The following CYP39A1 variants were observed in gnomAD, a reference collection of about 807,000 sequenced individuals.
The protein encoded by CYP39A1 is cytochrome P450 family 39 subfamily A member 1.
CYP39A1 carries 49 observed loss-of-function variants against 58.1 expected under a neutral mutation model. The observed-to-expected ratio is 0.84, with a 90% CI of 0.67 to 1.07. The LOEUF (loss-of-function observed/expected upper bound fraction) is 1.07. Ranked by LOEUF, CYP39A1 falls within the 50% of genes least tolerant of loss-of-function variation. The probability of loss-of-function intolerance (pLI) is 0.00; values close to 1 mark genes in which losing one functional copy is unlikely to be tolerated. For missense variants in CYP39A1, 531 were observed against 539.4 expected (o/e 0.98, Z 0.16); for synonymous variants, 209 against 187.6 (o/e 1.11, Z -0.93).
chr6:46,556,432 T>TAGG (rs1407551686), intron 10 of CYP39A1, among the ~76,000 whole-genome samples: 9 of 152,154 alleles, frequency 5.9e-5, no homozygotes, highest in Non-Finnish European at 7.4e-5. Flanking sequence ...GGGATCTAGA[T>TAGG]AGGAGTCTAC....
chr6:46,623,190 G>A (rs1227616740), intron 7 of CYP39A1, among the ~76,000 whole-genome samples: 5 of 152,156 alleles, frequency 3.3e-5, no homozygotes, highest in Non-Finnish European at 5.9e-5. Flanking sequence ...ACTGGATCGG[G>A]GGTGCCCAGA....
At chr6:46,627,423 T>TTTA (rs1491560816) in intron 6 of CYP39A1, among the ~76,000 whole-genome samples, 25 of 2,862 alleles carry the variant, frequency 8.7e-3, no homozygotes, top group African/African-American at 0.044. Flanking sequence ...TATTTATTTA[T>TTTA]TTTTTTTTTT....
chr6:46,647,692 C>T (rs1169311468), intron 1 of CYP39A1, among the ~76,000 whole-genome samples: 3 of 152,170 alleles, frequency 2.0e-5, no homozygotes, highest in South Asian at 2.1e-4. Context: ...CAGCCTAGTA[C>T]ACTTTGGGAC....
chr6:46,643,109 T>G (rs2150600861), intron 1 of CYP39A1, among the ~76,000 whole-genome samples: 1 of 152,290 alleles, frequency 6.6e-6, no homozygotes, highest in South Asian at 2.1e-4. Context: ...CCTTTGAACA[T>G]ACTGTAGCAC....
At chr6:46,622,007 T>A (rs1407008482) in intron 7 of CYP39A1, among the ~76,000 whole-genome samples, 1 of 152,104 alleles carries the variant, frequency 6.6e-6, no homozygotes, top group African/African-American at 2.4e-5. Flanking sequence ...CTTCAAGACC[T>A]GAAAATCAAT....
chr6:46,624,575 T>C (rs1775187820), intron 7 of CYP39A1, among the ~76,000 whole-genome samples: 1 of 152,148 alleles, frequency 6.6e-6, no homozygotes, highest in South Asian at 2.1e-4. Flanking sequence ...AAAAAAAAAC[T>C]TTAAATAAAA....
chr6:46,604,560 C>A (rs7771492), intron 7 of CYP39A1, among the ~76,000 whole-genome samples: 10,829 of 152,188 alleles, frequency 0.071, 885 homozygotes, highest in African/African-American at 0.2. Context: ...TGATGATCTA[C>A]GAATCAGAAT....
At chr6:46,650,597 G>A (rs763875309) in intron 1 of CYP39A1, among the ~76,000 whole-genome samples, 15 of 138,606 alleles carry the variant, frequency 1.1e-4, no homozygotes, top group Non-Finnish European at 2.0e-4. Context: ...TGGAACTCCT[G>A]AGCTCAAGCA....
At chr6:46,564,727 C>T (rs77720084) in intron 10 of CYP39A1, among the ~76,000 whole-genome samples, 3,623 of 152,002 alleles carry the variant, frequency 0.024, 125 homozygotes, top group African/African-American at 0.082. Context: ...CTTTTTTCCT[C>T]CTAGAAGTCA....
intron 1 of CYP39A1, among the ~76,000 whole-genome samples, chr6:46,643,327 T>C (rs1776462877): frequency 6.6e-6 from 1 of 152,224 alleles, no homozygotes; most frequent in Non-Finnish European, 1.5e-5. Flanking sequence ...TTTATGCTCA[T>C]CACTACTTCA....
chr6:46,636,389 C>T lies in CYP39A1; in HGVS notation c.732G>A (p.Met244Ile), dbSNP rs771019848. The change falls in exon 5 of 12, where the codon ATG (methionine) becomes ATA (isoleucine). Residue 244 changes from methionine to isoleucine, a missense_variant and splice_region_variant. Coordinates refer to ENST00000275016, the MANE Select transcript of CYP39A1 (RefSeq NM_016593.5). ...CAAAAGAAAGGTAAGAAATACTTACCATGGAATTATCTTTTGCAGATTTAC... is the reference window on the plus strand; with the variant it reads ...CAAAAGAAAGGTAAGAAATACTTACTATGGAATTATCTTTTGCAGATTTAC... ...KACKSAKDNS[M>I]TLLQATLDIV... 1.3e-5 allele frequency: 20 copies of T among 1,569,338 alleles called. No individual in the cohort carries two copies. The South Asian group carries it at 1.8e-4, about 14-fold the overall frequency.
At chr6:46,626,148 A>G (rs1449001491) in intron 6 of CYP39A1, among the ~76,000 whole-genome samples, 3 of 152,112 alleles carry the variant, frequency 2.0e-5, no homozygotes, top group Non-Finnish European at 4.4e-5. Context: ...GTATATTTGC[A>G]CATTTTCTCT....
At chr6:46,565,398 T>C (rs1455810016) in intron 10 of CYP39A1, among the ~76,000 whole-genome samples, 1 of 151,736 alleles carries the variant, frequency 6.6e-6, no homozygotes, top group Non-Finnish European at 1.5e-5. Flanking sequence ...AAGGTAGATG[T>C]TTTATATTAA....
chr6:46,638,875 A>T (rs1776155507), intron 3 of CYP39A1, among the ~76,000 whole-genome samples: 1 of 152,134 alleles, frequency 6.6e-6, no homozygotes, highest in Non-Finnish European at 1.5e-5. Flanking sequence ...AAATTTTCTC[A>T]TGTCTCCCAT....
At chr6:46,563,449 T>A (rs1213469541) in intron 10 of CYP39A1, among the ~76,000 whole-genome samples, 1 of 152,120 alleles carries the variant, frequency 6.6e-6, no homozygotes, top group Non-Finnish European at 1.5e-5. Flanking sequence ...ATGTTGAAAA[T>A]TTTTTAAATA....
intron 7 of CYP39A1, among the ~76,000 whole-genome samples, chr6:46,598,708 T>A (rs958183577): frequency 6.6e-6 from 1 of 152,052 alleles, no homozygotes; most frequent in African/African-American, 2.4e-5. Context: ...GCTAAGGAAA[T>A]ATAAGAAATT....
intron 10 of CYP39A1, among the ~76,000 whole-genome samples, chr6:46,584,667 A>C (rs1172400700): frequency 6.6e-6 from 1 of 152,150 alleles, no homozygotes; most frequent in Non-Finnish European, 1.5e-5. Flanking sequence ...GGGCCAGTGT[A>C]CATTTTCAGC....
chr6:46,558,723 C>T (rs907615004), intron 10 of CYP39A1, among the ~76,000 whole-genome samples: 4 of 152,110 alleles, frequency 2.6e-5, no homozygotes, highest in Non-Finnish European at 5.9e-5. Flanking sequence ...GTCGGCCGGG[C>T]ACGGTGGCTC....
At chr6:46,650,383 CT>C (rs34431587) in intron 1 of CYP39A1, among the ~76,000 whole-genome samples, 3 of 145,934 alleles carry the variant, frequency 2.1e-5, no homozygotes, top group Admixed American at 6.9e-5. Flanking sequence ...AGCACTCTGG[CT>C]TTTTTTTTTA....
Sources: allele counts gnomAD v4.1 joint callset (sites outside exome capture counted in the v4.1 genomes callset), GRCh38; gene constraint gnomAD v4.1.1; transcripts MANE v1.5; gene names NCBI Gene and HGNC (gene_info 2026-07-23, HGNC 2026-07-21).